PHLDB3: variants seen among roughly 807,000 people sequenced by gnomAD.
PHLDB3 encodes pleckstrin homology-like domain family B member 3.
In PHLDB3, 86 loss-of-function variants were observed where a neutral mutation model predicts 85.7. The ratio of observed to expected loss-of-function variants is 1.00; its 90% CI spans 0.84 to 1.20. PHLDB3 has a LOEUF of 1.20. Ranked by LOEUF, PHLDB3 falls within the 50% of genes most tolerant of loss-of-function variation. The pLI is 0.00. For missense variants in PHLDB3, 995 were observed against 873.0 expected (o/e 1.14, Z -1.76); for synonymous variants, 376 against 349.8 (o/e 1.07, Z -0.83).
intron 13 of PHLDB3, among the ~76,000 whole-genome samples, chr19:43,481,222 G>A (rs980915331): frequency 2.0e-5 from 3 of 152,048 alleles, no homozygotes; most frequent in East Asian, 3.9e-4. Flanking sequence ...TGGCTCACAC[G>A]TGTAATCCCA....
At chr19:43,498,634 A>G (rs1971522637) in intron 4 of PHLDB3, among the ~76,000 whole-genome samples, 1 of 152,206 alleles carries the variant, frequency 6.6e-6, no homozygotes, top group African/African-American at 2.4e-5. Context: ...TGGAAAGATC[A>G]GGGCAGTAAA....
rs1427921915 is a variant in PHLDB3 at position 43,501,864 on chromosome 19, A to G, written c.404T>C (p.Val135Ala). The G allele has an allele frequency of 1.3e-6, 2 of 1,591,202 alleles. No homozygotes were observed. Among genetic ancestry groups the G allele is most frequent in the Admixed American group, 1.7e-5 (1 of 57,422 alleles). The change falls in exon 4 of 16, where the codon GTG becomes GCG. Residue 135 changes from valine to alanine, a missense_variant. Physicochemically the swap from Val to Ala is moderately conservative, Grantham distance 64 (BLOSUM62 0). Coordinates refer to ENST00000292140, the MANE Select transcript of PHLDB3 (RefSeq NM_198850.4). ...CTCACCCCGCAGCAAGGCCACCTCC[A>G]CCTCCATCTGCGGAGAGAATGCCAG... is the stretch of plus-strand genomic sequence containing the variant. ...QRKELRIEME[V>A]EVALLRGELA...
chr19:43,504,143 G>A lies in PHLDB3; in HGVS notation c.-14-11C>T. On this transcript the variant is annotated splice_polypyrimidine_tract_variant and intron_variant, in intron 1 of 15. Transcript: ENST00000292140. ...TGGCCGCTGGGACTCCTGCGGGGTGGGCGGGACCAGAAGCTCCGGGGGCGG... is the reference window on the plus strand; with the variant it reads ...TGGCCGCTGGGACTCCTGCGGGGTGAGCGGGACCAGAAGCTCCGGGGGCGG... 2 of 1,561,578 alleles carry A rather than the reference G, an allele frequency of 1.3e-6. No individual in the cohort carries two copies. Among genetic ancestry groups the A allele is most frequent in the Non-Finnish European group, 1.7e-6 (2 of 1,155,550 alleles).
intron 1 of PHLDB3, 73 bp downstream of exon 1, chr19:43,504,516 C>G (rs942369877): frequency 5.1e-5 from 12 of 236,216 alleles, no homozygotes; most frequent in African/African-American, 2.8e-4. Context: ...GGCTCCCGCC[C>G]CATCCTTCCC....
chr19:43,475,427 CG>C lies in PHLDB3; in HGVS notation c.1905del (p.Asp635GlufsTer58). 1.9e-6 allele frequency: 3 copies of C among 1,613,954 alleles called. No homozygotes were observed. The highest frequency in any genetic ancestry group is 2.5e-6 in the Non-Finnish European group (3 of 1,179,856). ...IWMDVIVTAA[D>X]ENHAP ...GGGGCCACTCAGGGGGCGTGGTTTT[CG>C]TCAGCGGCGGTCACGATGACGTCCA... On this transcript the variant is annotated frameshift_variant, in exon 16 of 16. Transcript: ENST00000292140. LOFTEE classifies it high-confidence loss of function.
intron 5 of PHLDB3, 81 bp from the exon 6 acceptor site, chr19:43,497,360 G>T (rs1485265509): frequency 1.7e-6 from 2 of 1,165,462 alleles, no homozygotes; most frequent in African/African-American, 1.6e-5. Flanking sequence ...GGGACTCCTG[G>T]TCAGAGGAAG....
At chr19:43,486,951 C>T (rs952716467) in intron 10 of PHLDB3, 73 bp downstream of exon 10, 105 of 1,477,080 alleles carry the variant, frequency 7.1e-5, no homozygotes, top group African/African-American at 5.4e-4. Context: ...GGCATAGGTG[C>T]GGGTTTCCTC....
At position 43,486,790 on chromosome 19, in the gene PHLDB3, G is replaced by A. The variant is rs563295063; in HGVS notation, c.1330C>T (p.Arg444Cys). The change falls in exon 11 of 16, where the codon CGT becomes TGT. Residue 444 changes from arginine to cysteine, a missense_variant. By Grantham distance (180) the Arg-to-Cys change is radical. Transcript: ENST00000292140. ...YPLYQLLNCG[R>C]GNSCGAIHPD... ...TCTCTGATGTCTCACCTATTCCCAC[G>A]GCCACAGTTCAGCAGCTGGTAGAGG... 32 of 1,601,496 alleles carry A rather than the reference G, an allele frequency of 2.0e-5. No homozygotes were observed. The highest frequency in any genetic ancestry group is 1.8e-4 in the East Asian group (8 of 44,750).
At chr19:43,501,175 CTTTTT>C (rs59042804) in intron 4 of PHLDB3, among the ~76,000 whole-genome samples, 1 of 83,600 alleles carries the variant, frequency 1.2e-5, no homozygotes, top group South Asian at 4.5e-4. Flanking sequence ...TTCTTTTTCT[CTTTTT>C]TTTTTTTTTT....
At chr19:43,482,182 G>A (rs1418195153) in intron 13 of PHLDB3, among the ~76,000 whole-genome samples, 1 of 152,198 alleles carries the variant, frequency 6.6e-6, no homozygotes, top group Admixed American at 6.5e-5. Flanking sequence ...GGATGTAGGG[G>A]AGCTGGGCCC....
At chr19:43,480,443 T>C (rs558589977) in intron 13 of PHLDB3, among the ~76,000 whole-genome samples, 23 of 151,698 alleles carry the variant, frequency 1.5e-4, no homozygotes, top group African/African-American at 4.4e-4. Flanking sequence ...ATCCAAAAAA[T>C]TAGCTGGGCC....
At chr19:43,500,586 ACTGT>A (rs1299472237) in intron 4 of PHLDB3, among the ~76,000 whole-genome samples, 3 of 152,140 alleles carry the variant, frequency 2.0e-5, no homozygotes, top group African/African-American at 7.2e-5. Flanking sequence ...GCATTTTGAG[ACTGT>A]CTGGGAAACA....
intron 9 of PHLDB3, among the ~76,000 whole-genome samples, 165 bp from the exon 10 acceptor site, chr19:43,487,288 T>C (rs546174675): frequency 3.9e-5 from 6 of 152,068 alleles, no homozygotes; most frequent in Non-Finnish European, 5.9e-5. Context: ...TTATAAGAAA[T>C]ATCAAGCTGA....
intron 2 of PHLDB3, among the ~76,000 whole-genome samples, chr19:43,502,635 T>G (rs76998322): frequency 3.2e-5 from 4 of 124,886 alleles, no homozygotes; most frequent in African/African-American, 8.9e-5. Flanking sequence ...TTTTTTTTTT[T>G]GGCAGAGAGG....
chr19:43,504,412 T>G, intron 1 of PHLDB3, 177 bp downstream of exon 1: 1 of 519,964 alleles, frequency 1.9e-6, no homozygotes, highest in Non-Finnish European at 3.4e-6. Context: ...CCCTCATCTC[T>G]AGGTGTCAGG....
intron 13 of PHLDB3, among the ~76,000 whole-genome samples, chr19:43,482,084 T>C (rs1445061822): frequency 1.3e-5 from 2 of 151,610 alleles, no homozygotes; most frequent in Non-Finnish European, 2.9e-5. Context: ...CCTCGTTTCT[T>C]CTCCAAAAGA....
At chr19:43,479,811 A>G (rs1406939067) in intron 13 of PHLDB3, among the ~76,000 whole-genome samples, 2 of 152,116 alleles carry the variant, frequency 1.3e-5, no homozygotes, top group Admixed American at 1.3e-4. Context: ...TTGGCACTTC[A>G]TGGCAACTGT....
intron 9 of PHLDB3, among the ~76,000 whole-genome samples, chr19:43,487,553 C>G (rs1351237089): frequency 1.1e-5 from 1 of 87,386 alleles, no homozygotes; most frequent in African/African-American, 4.2e-5. Context: ...CCAGCCTGGG[C>G]GACAGAGCAA....
chr19:43,482,005 A>G (rs1971058559), intron 13 of PHLDB3, among the ~76,000 whole-genome samples: 1 of 152,140 alleles, frequency 6.6e-6, no homozygotes, highest in Non-Finnish European at 1.5e-5. Flanking sequence ...CAGAAAGACC[A>G]AGGATCACCA....
Sources: allele counts gnomAD v4.1 joint callset (sites outside exome capture counted in the v4.1 genomes callset), GRCh38; gene constraint gnomAD v4.1.1; transcripts MANE v1.5; gene names NCBI Gene and HGNC (gene_info 2026-07-23, HGNC 2026-07-21).